NIPBL: variants seen among roughly 807,000 people sequenced by gnomAD.
NIPBL encodes the protein NIPBL cohesin loading factor, also known as nipped-B-like protein.
In NIPBL, 19 loss-of-function variants were observed where a neutral mutation model predicts 321.8. The ratio of observed to expected loss-of-function variants is 0.06; its 90% CI spans 0.04 to 0.09. NIPBL has a LOEUF of 0.09. NIPBL is among the 10% of genes least tolerant of loss of function. NIPBL has a pLI of 1.00. For missense variants in NIPBL, 2,210 were observed against 3,327.0 expected, an observed-to-expected ratio of 0.66 and a Z score of 8.26; for synonymous variants, 1,106 against 1,114.1, an observed-to-expected ratio of 0.99 and a Z score of 0.14.
At position 37,063,773 on chromosome 5, in the gene NIPBL, A is replaced by G. The variant is rs553403231; in HGVS notation, c.7861-17A>G. 4 of 1,603,488 alleles carry G rather than the reference A, an allele frequency of 2.5e-6. No individual in the cohort carries two copies. The highest frequency in any genetic ancestry group is 3.4e-5 in the Admixed American group (2 of 58,790). On this transcript the variant is annotated splice_polypyrimidine_tract_variant and intron_variant, in intron 45 of 46. Transcript: ENST00000282516. ...AATATTTACTTAAAATTCTGAAATA[A>G]TATCTGTTTTTTGTAGTTCAAACTT...
At chr5:36,939,097 G>A (rs1327791579) in intron 1 of NIPBL, among the ~76,000 whole-genome samples, 1 of 152,054 alleles carries the variant, frequency 6.6e-6, no homozygotes, top group Non-Finnish European at 1.5e-5. Context: ...CAACCTCCCT[G>A]GCTCAAGTGA....
At chr5:36,900,259 A>G (rs1747099194) in intron 1 of NIPBL, among the ~76,000 whole-genome samples, 1 of 152,224 alleles carries the variant, frequency 6.6e-6, no homozygotes, top group Non-Finnish European at 1.5e-5. Context: ...ACTATGTAGC[A>G]TTTACATTGT....
chr5:36,982,912 G>A (rs1252027525), intron 9 of NIPBL, among the ~76,000 whole-genome samples: 3 of 151,826 alleles, frequency 2.0e-5, no homozygotes, highest in Non-Finnish European at 4.4e-5. Flanking sequence ...TTTTTACAAA[G>A]CATATTTCCT....
intron 1 of NIPBL, among the ~76,000 whole-genome samples, chr5:36,880,144 A>G (rs891497798): frequency 6.6e-6 from 1 of 151,804 alleles, no homozygotes; most frequent in African/African-American, 2.4e-5. Context: ...TGAGCAAGCT[A>G]TACCAATACA....
In NIPBL at chr5:36,976,289, A is replaced by T. The variant is rs1260441414; in HGVS notation, c.1382A>T (p.Gln461Leu). ...SVVQNQQQIS[Q>L]QGPIYDEVEL... ...GTACAGAATCAACAACAGATATCAC[A>T]ACAGGGACCTATATATGATGAAGTG... The change falls in exon 9 of 47, where the codon CAA becomes CTA. Residue 461 changes from glutamine (Q) to leucine (L), a missense_variant. By Grantham distance (113) the Gln-to-Leu change is moderately radical. Transcript: ENST00000282516. The T allele has an allele frequency of 6.2e-7, 1 of 1,613,790 alleles. No homozygotes were observed. Among genetic ancestry groups the T allele is most frequent in the Non-Finnish European group, 8.5e-7 (1 of 1,179,862 alleles).
At chr5:36,886,118 T>C in intron 1 of NIPBL, 1 of 664,182 alleles carries the variant, frequency 1.5e-6, no homozygotes. Flanking sequence ...GGTCCAGTCC[T>C]TGGAGATCCA....
intron 38 of NIPBL, among the ~76,000 whole-genome samples, chr5:37,046,414 T>C (rs761447893): frequency 3.3e-5 from 5 of 152,234 alleles, no homozygotes; most frequent in Admixed American, 1.3e-4. Context: ...CATTTGTCTG[T>C]TCATCAGTTT....
intron 45 of NIPBL, 86 bp from the exon 46 acceptor site, chr5:37,063,704 C>G: frequency 7.3e-7 from 1 of 1,363,560 alleles, no homozygotes; most frequent in Admixed American, 2.0e-5. Flanking sequence ...CCACACCAAA[C>G]TACTGCCATA....
chr5:36,911,753 G>C (rs1580208573), intron 1 of NIPBL, among the ~76,000 whole-genome samples: 1 of 152,136 alleles, frequency 6.6e-6, no homozygotes, highest in Admixed American at 6.5e-5. Flanking sequence ...AAATGTCATT[G>C]CTCTTCTACC....
intron 8 of NIPBL, among the ~76,000 whole-genome samples, chr5:36,972,640 C>A (rs1561097011): frequency 6.6e-6 from 1 of 152,132 alleles, no homozygotes; most frequent in Non-Finnish European, 1.5e-5. Flanking sequence ...GACAAAACTT[C>A]CTTCATACCT....
rs1215585509 is a variant in NIPBL at position 36,985,965 on chromosome 5, G to T, written c.2785G>T (p.Asp929Tyr). ...KRTEGNKSKV[D>Y]TNKAHPDNKA... is the part of the protein sequence containing the mutation. Reference sequence around the variant, plus strand: ...GACAGAGGGTAACAAGAGTAAAGTAGACACTAATAAAGCACACCCTGACAA... The same window carrying T: ...GACAGAGGGTAACAAGAGTAAAGTATACACTAATAAAGCACACCCTGACAA... Residue 929 changes from aspartate to tyrosine, a missense_variant, in exon 10 of 47, where the codon GAC becomes TAC. This residue lies in a region of NIPBL where 588 missense variants were observed against 564.1 expected (regional missense o/e 1.04). Coordinates refer to ENST00000282516, the MANE Select transcript of NIPBL (RefSeq NM_133433.4). 6 of 1,613,800 alleles carry T rather than the reference G, an allele frequency of 3.7e-6. No individual in the cohort carries two copies. Among genetic ancestry groups the T allele is most frequent in the Non-Finnish European group, 5.1e-6 (6 of 1,179,934 alleles).
At chr5:36,933,918 T>TGG (rs11459189) in intron 1 of NIPBL, among the ~76,000 whole-genome samples, 52 of 151,690 alleles carry the variant, frequency 3.4e-4, no homozygotes, top group African/African-American at 9.5e-4. Context: ...AATAAGAGTA[T>TGG]GGGGGGGTGG....
intron 29 of NIPBL, among the ~76,000 whole-genome samples, 178 bp downstream of exon 29, chr5:37,022,568 A>G (rs759240672): frequency 1.3e-5 from 2 of 152,260 alleles, no homozygotes; most frequent in Non-Finnish European, 2.9e-5. Context: ...AGCCCTTGCA[A>G]TATCATAAAA....
rs771413945 is a variant in NIPBL, at chr5:37,064,773, A to G, written c.8296A>G (p.Ile2766Val). 1.9e-6 allele frequency: 3 copies of G among 1,614,234 alleles called. No individual in the cohort carries two copies. Among genetic ancestry groups the G allele is most frequent in the South Asian group, 2.2e-5 (2 of 91,082 alleles). The change falls in exon 47 of 47, where the codon ATT (isoleucine) becomes GTT (valine). Residue 2766 changes from isoleucine to valine, a missense_variant. Coordinates refer to ENST00000282516, the MANE Select transcript of NIPBL (RefSeq NM_133433.4). ...CAAACTGGTGCCTTGGGTAGACACT[A>G]TTAAAGAGTCAGACATTATTTACAA... ...GRKLVPWVDT[I>V]KESDIIYKKI... is the part of the protein sequence containing the mutation.
At chr5:36,930,657 A>T (rs572350193) in intron 1 of NIPBL, among the ~76,000 whole-genome samples, 2 of 152,100 alleles carry the variant, frequency 1.3e-5, no homozygotes, top group Admixed American at 6.6e-5. Context: ...TTCTCCTGAT[A>T]GGGAAGTTAG....
At chr5:37,020,747 A>G in intron 26 of NIPBL, 28 bp from the exon 27 acceptor site, 1 of 1,608,996 alleles carries the variant, frequency 6.2e-7, no homozygotes. Context: ...AAAAAGAAAA[A>G]TAAATTTTTA....
intron 6 of NIPBL, 101 bp downstream of exon 6, chr5:36,962,375 T>A: frequency 1.7e-6 from 2 of 1,146,956 alleles, no homozygotes; most frequent in Non-Finnish European, 2.6e-6. Context: ...ACTAAAATAC[T>A]ATACTGTATA....
In NIPBL at chr5:36,976,309, G is replaced by A; in HGVS notation, c.1402G>A (p.Glu468Lys). Residue 468 changes from glutamate (E) to lysine (K), a missense_variant, in exon 9 of 47, where the codon GAA (glutamate) becomes AAA (lysine). Transcript: ENST00000282516. ...QISQQGPIYD[E>K]VELDALAEIE... ...ATCACAACAGGGACCTATATATGAT[G>A]AAGTGGAATTGGATGCATTGGCTGA... 1 of 1,613,558 alleles carries A rather than the reference G, an allele frequency of 6.2e-7. No individual in the cohort carries two copies. The highest frequency in any genetic ancestry group is 8.5e-7 in the Non-Finnish European group (1 of 1,179,838).
Position 36,975,933 on chromosome 5 carries a change from G to A in NIPBL, c.1026G>A (p.Ala342=), listed in dbSNP as rs370389105. 36 of 1,613,650 alleles carry A rather than the reference G, an allele frequency of 2.2e-5. No individual in the cohort carries two copies. The African/African-American group carries it at 2.3e-4, about 10-fold the overall frequency. ...ATGAAAAAGAGCAGAGTGAGAAAGC[G>A]GCAATGTATGATATAATTAGTTCTC... ...GKDEKEQSEK[A]AMYDIISSPS... Residue 342 remains alanine (A), a synonymous_variant, in exon 9 of 47, where the codon GCG becomes GCA. Coordinates refer to ENST00000282516, the MANE Select transcript of NIPBL (RefSeq NM_133433.4).
Sources: gnomAD v4.1 joint callset for allele counts (sites outside exome capture counted in the v4.1 genomes callset) on GRCh38, gnomAD v4.1.1 for gene constraint, gnomAD v4.1.1 regional missense constraint, MANE v1.5 for transcripts, NCBI Gene and HGNC (gene_info 2026-07-23, HGNC 2026-07-21) for gene names.